TBX15: variants seen among roughly 807,000 people sequenced by gnomAD.
TBX15 encodes T-box transcription factor TBX15.
TBX15 carries 18 observed loss-of-function variants against 53.9 expected under a neutral mutation model. The observed-to-expected ratio is 0.33, with a 90% CI of 0.23 to 0.49. TBX15 has a LOEUF of 0.49. TBX15 is among the 20% of genes least tolerant of loss of function. TBX15 has a pLI of 0.98. For synonymous variants in TBX15, 295 were observed against 278.0 expected (o/e 1.06, Z -0.61); for missense variants, 692 against 749.5 (o/e 0.92, Z 0.90).
chr1:118,979,689 C>T (rs1657577009), intron 1 of TBX15, among the ~76,000 whole-genome samples: 1 of 152,140 alleles, frequency 6.6e-6, no homozygotes, highest in Non-Finnish European at 1.5e-5. Flanking sequence ...CAGGGCCTTC[C>T]CGGTTAGCCC....
intron 1 of TBX15, among the ~76,000 whole-genome samples, chr1:118,975,366 T>G (rs1381232606): frequency 6.6e-6 from 1 of 152,238 alleles, no homozygotes; most frequent in Non-Finnish European, 1.5e-5. Flanking sequence ...GGAAAAGACC[T>G]GGAAACTATA....
intron 7 of TBX15, among the ~76,000 whole-genome samples, chr1:118,893,332 A>AAGGAAG (rs1395388947): frequency 1.3e-5 from 1 of 77,790 alleles, no homozygotes; most frequent in Non-Finnish European, 2.2e-5. Flanking sequence ...GAAAGAAGAA[A>AAGGAAG]GAAGGAAGGA....
At chr1:118,907,392 G>A (rs1160275504) in intron 6 of TBX15, among the ~76,000 whole-genome samples, 1 of 152,192 alleles carries the variant, frequency 6.6e-6, no homozygotes, top group African/African-American at 2.4e-5. Context: ...TCATTTTTAT[G>A]TATGTGTTTG....
chr1:118,884,510 C>T lies in TBX15; in HGVS notation c.*222G>A. 1.7e-6 allele frequency: 1 copy of T among 600,146 alleles called. No individual in the cohort carries two copies. The highest frequency in any genetic ancestry group is 2.9e-6 in the Non-Finnish European group (1 of 348,820). 37.2% of individuals were successfully genotyped at this position (600,146 alleles called of 1,614,324 possible). A position where few individuals can be genotyped will look rare whatever the true frequency, so the allele number is the denominator to read the frequency against. On this transcript the variant is annotated 3_prime_UTR_variant, in exon 8 of 8. Transcript: ENST00000369429. ...TTTATAAAACTAAGGTCTGGGAAGG[C>T]AGAAGAATGGCCACTGAGTTGCGGA...
chr1:118,978,747 G>A (rs1446446825), intron 1 of TBX15, among the ~76,000 whole-genome samples: 2 of 152,126 alleles, frequency 1.3e-5, no homozygotes, highest in Non-Finnish European at 2.9e-5. Context: ...TTACAATTCA[G>A]TATTCCTTTG....
chr1:118,886,857 T>C (rs1653961121), intron 7 of TBX15, among the ~76,000 whole-genome samples: 1 of 152,164 alleles, frequency 6.6e-6, no homozygotes, highest in Non-Finnish European at 1.5e-5. Context: ...TTCCTTTCAT[T>C]TCCAAAAGTC....
At chr1:118,911,767 G>T (rs950470233) in intron 6 of TBX15, among the ~76,000 whole-genome samples, 11 of 152,154 alleles carry the variant, frequency 7.2e-5, no homozygotes, top group African/African-American at 1.2e-4. Context: ...CCTCCTTGAT[G>T]TTGCACAGAC....
At chr1:118,927,162 T>A (rs1489178324) in intron 2 of TBX15, among the ~76,000 whole-genome samples, 40 of 152,216 alleles carry the variant, frequency 2.6e-4, no homozygotes, top group Admixed American at 2.6e-3. Flanking sequence ...AACTACTATC[T>A]CTTCTTAACT....
At chr1:118,897,271 C>T (rs966365313) in intron 7 of TBX15, among the ~76,000 whole-genome samples, 1 of 152,134 alleles carries the variant, frequency 6.6e-6, no homozygotes, top group African/African-American at 2.4e-5. Flanking sequence ...TTGAGAGTGG[C>T]TCTGCCCACC....
intron 6 of TBX15, among the ~76,000 whole-genome samples, chr1:118,906,984 G>A (rs183907031): frequency 1.6e-3 from 241 of 152,292 alleles, no homozygotes; most frequent in African/African-American, 5.2e-3. Context: ...GCCTGCCACT[G>A]GCTCCTTTCT....
At chr1:118,951,642 C>T (rs1285842709) in intron 1 of TBX15, among the ~76,000 whole-genome samples, 4 of 145,668 alleles carry the variant, frequency 2.7e-5, no homozygotes, top group African/African-American at 9.8e-5. Flanking sequence ...CCCTCAGTTG[C>T]AACATCTTAT....
intron 1 of TBX15, among the ~76,000 whole-genome samples, chr1:118,947,281 C>T (rs563521932): frequency 1.3e-5 from 2 of 152,350 alleles, no homozygotes; most frequent in African/African-American, 4.8e-5. Context: ...ACCTCCTGGT[C>T]CTCCCAGCTA....
intron 1 of TBX15, among the ~76,000 whole-genome samples, chr1:118,939,424 A>C (rs901691828): frequency 2.6e-5 from 3 of 115,816 alleles, no homozygotes; most frequent in Non-Finnish European, 5.3e-5. Flanking sequence ...AAAAAAAAAA[A>C]AAAAAAAAAA....
chr1:118,924,056 C>T (rs906229333), intron 4 of TBX15, among the ~76,000 whole-genome samples: 3 of 152,150 alleles, frequency 2.0e-5, no homozygotes, highest in African/African-American at 7.2e-5. Context: ...TATGGGTTTT[C>T]ACTCTTTCAG....
chr1:118,893,499 A>C (rs1166362329), intron 7 of TBX15, among the ~76,000 whole-genome samples: 1 of 127,158 alleles, frequency 7.9e-6, no homozygotes, highest in East Asian at 2.1e-4. Flanking sequence ...AGAAAGAAAG[A>C]AAGAAAGAAA....
chr1:118,952,353 T>C (rs1244918071), intron 1 of TBX15, among the ~76,000 whole-genome samples: 2 of 152,116 alleles, frequency 1.3e-5, no homozygotes, highest in African/African-American at 2.4e-5. Flanking sequence ...TTTGGCTACA[T>C]AGGGAGTCAG....
Position 118,918,396 on chromosome 1 carries a change from G to A in TBX15, c.862-4217C>T, listed in dbSNP as rs574714868. 6.4e-4 allele frequency among the ~76,000 whole-genome samples: 97 copies of A among 152,206 alleles called. No homozygotes were observed. The South Asian group carries it at 0.019, about 29-fold the overall frequency. ...ATGATGTGAGAGCCAGGGATCAAGA[G>A]TCCCAAAACCATGATAAGCTTCAGA... is the stretch of plus-strand genomic sequence containing the variant. On this transcript the variant is annotated intron_variant, in intron 5 of 7. Transcript: ENST00000369429.
intron 1 of TBX15, among the ~76,000 whole-genome samples, chr1:118,973,242 A>G (rs1343496062): frequency 1.3e-5 from 2 of 152,190 alleles, no homozygotes; most frequent in African/African-American, 4.8e-5. Flanking sequence ...TGCTCAAATC[A>G]GGTCTCCCTG....
At chr1:118,924,529 A>T in intron 4 of TBX15, 117 bp downstream of exon 4, 1 of 1,214,824 alleles carries the variant, frequency 8.2e-7, no homozygotes, top group Non-Finnish European at 1.2e-6. Context: ...ACTTAAAATT[A>T]CTTAAAGTGG....
Sources: gnomAD v4.1 joint callset for allele counts (sites outside exome capture counted in the v4.1 genomes callset) on GRCh38, gnomAD v4.1.1 for gene constraint, MANE v1.5 for transcripts, NCBI Gene and HGNC (gene_info 2026-07-23, HGNC 2026-07-21) for gene names.